The following AUTS2 variants were observed in gnomAD, a reference collection of about 807,000 sequenced individuals.
AUTS2 encodes the protein autism susceptibility gene 2 protein.
Under a neutral mutation model 112.4 loss-of-function variants are expected in AUTS2, and 17 were observed. The ratio of observed to expected loss-of-function variants is 0.15; its 90% CI spans 0.10 to 0.23. AUTS2 has a LOEUF of 0.23. Ranked by LOEUF, AUTS2 falls within the 10% of genes least tolerant of loss-of-function variation. The probability of loss-of-function intolerance (pLI) is 1.00; values close to 1 mark genes in which losing one functional copy is unlikely to be tolerated. For synonymous variants in AUTS2, 751 were observed against 702.7 expected (o/e 1.07, Z -1.09); for missense variants, 1,510 against 1,701.6 (o/e 0.89, Z 1.98).
chr7:70,181,178 C>T (rs1007235012), intron 4 of AUTS2, among the ~76,000 whole-genome samples: 25 of 152,116 alleles, frequency 1.6e-4, no homozygotes, highest in African/African-American at 5.3e-4. Flanking sequence ...AAGCCTATGC[C>T]ACCATTTATT....
At chr7:70,401,513 G>C (rs1342350440) in intron 4 of AUTS2, among the ~76,000 whole-genome samples, 2 of 152,210 alleles carry the variant, frequency 1.3e-5, no homozygotes, top group Non-Finnish European at 2.9e-5. Flanking sequence ...TGAGTTCAGA[G>C]CTGTGGAGCA....
At chr7:69,882,138 G>A (rs1044829502) in intron 1 of AUTS2, among the ~76,000 whole-genome samples, 3 of 103,714 alleles carry the variant, frequency 2.9e-5, no homozygotes, top group South Asian at 3.5e-4. Context: ...CAACAAGAGC[G>A]AAACTCTGTC....
At chr7:69,987,534 C>G (rs1798562823) in intron 2 of AUTS2, among the ~76,000 whole-genome samples, 1 of 152,168 alleles carries the variant, frequency 6.6e-6, no homozygotes, top group Non-Finnish European at 1.5e-5. Flanking sequence ...GTGGTGTCAT[C>G]ATAGCTCACT....
intron 10 of AUTS2, among the ~76,000 whole-genome samples, chr7:70,769,171 C>T (rs778298819): frequency 6.6e-6 from 1 of 152,148 alleles, no homozygotes; most frequent in Non-Finnish European, 1.5e-5. Context: ...TGAAAGACCT[C>T]TTCAAAAAGA....
At chr7:70,763,396 TG>T in intron 7 of AUTS2, 55 bp downstream of exon 7, 1 of 1,343,358 alleles carries the variant, frequency 7.4e-7, no homozygotes, top group Non-Finnish European at 1.0e-6. Context: ...GGGGATCAGG[TG>T]GGTGGGAGTC....
At chr7:70,775,581 CT>C (rs3215360) in intron 13 of AUTS2, among the ~76,000 whole-genome samples, 195 bp downstream of exon 13, 57 of 147,394 alleles carry the variant, frequency 3.9e-4, no homozygotes, top group Non-Finnish European at 3.9e-4. Flanking sequence ...AGGCCATTGG[CT>C]TTTTTTTTTT....
At chr7:70,275,128 C>T (rs1787869167) in intron 4 of AUTS2, among the ~76,000 whole-genome samples, 1 of 152,208 alleles carries the variant, frequency 6.6e-6, no homozygotes, top group Non-Finnish European at 1.5e-5. Flanking sequence ...CACCTCGCTG[C>T]AGCCTCAAAC....
intron 5 of AUTS2, among the ~76,000 whole-genome samples, chr7:70,502,451 A>G (rs1451957618): frequency 6.6e-6 from 1 of 152,228 alleles, no homozygotes; most frequent in Non-Finnish European, 1.5e-5. Flanking sequence ...ATTGAGTGAA[A>G]TAATAGTTGG....
At chr7:70,227,123 AG>A (rs1318437189) in intron 4 of AUTS2, among the ~76,000 whole-genome samples, 2 of 152,158 alleles carry the variant, frequency 1.3e-5, no homozygotes, top group Non-Finnish European at 2.9e-5. Flanking sequence ...GGCTGTCTGA[AG>A]ACCCGGGTAA....
chr7:69,652,094 A>C (rs981208198), intron 1 of AUTS2, among the ~76,000 whole-genome samples: 5 of 152,202 alleles, frequency 3.3e-5, no homozygotes, highest in Admixed American at 3.3e-4. Context: ...AATGGCCTTC[A>C]TAGCGTCCTT....
intron 1 of AUTS2, among the ~76,000 whole-genome samples, chr7:69,736,370 T>G (rs774183678): frequency 3.9e-5 from 6 of 152,188 alleles, no homozygotes; most frequent in Non-Finnish European, 7.3e-5. Context: ...TTGCTTTGAC[T>G]TGGGTATTTC....
intron 4 of AUTS2, among the ~76,000 whole-genome samples, chr7:70,433,498 A>C (rs1401241905): frequency 6.6e-6 from 1 of 152,226 alleles, no homozygotes; most frequent in Non-Finnish European, 1.5e-5. Context: ...TCACACAATC[A>C]GGACAGTATT....
intron 4 of AUTS2, among the ~76,000 whole-genome samples, chr7:70,148,531 C>T (rs1441163365): frequency 6.6e-6 from 1 of 152,052 alleles, no homozygotes; most frequent in Non-Finnish European, 1.5e-5. Context: ...ACTCAGCCCA[C>T]TGGTCTGGTC....
At chr7:69,879,904 A>T (rs1184592367) in intron 1 of AUTS2, among the ~76,000 whole-genome samples, 1 of 152,162 alleles carries the variant, frequency 6.6e-6, no homozygotes, top group East Asian at 1.9e-4. Context: ...GGCTTAGACA[A>T]TTCTACCATG....
intron 5 of AUTS2, among the ~76,000 whole-genome samples, chr7:70,538,720 A>G (rs1386266558): frequency 6.6e-6 from 1 of 152,190 alleles, no homozygotes; most frequent in Admixed American, 6.5e-5. Flanking sequence ...TGTGCTTCTC[A>G]TGTTTAAAGC....
chr7:70,450,027 G>A (rs907318359), intron 5 of AUTS2, among the ~76,000 whole-genome samples: 1 of 152,174 alleles, frequency 6.6e-6, no homozygotes, highest in Non-Finnish European at 1.5e-5. Context: ...TCAACCTGGA[G>A]AATCCAATTT....
intron 5 of AUTS2, among the ~76,000 whole-genome samples, chr7:70,469,457 T>C (rs1431531947): frequency 6.6e-6 from 1 of 152,058 alleles, no homozygotes; most frequent in Non-Finnish European, 1.5e-5. Context: ...GGCTGGAACA[T>C]GTTTGGCATC....
At chr7:70,179,774 G>A (rs886803860) in intron 4 of AUTS2, among the ~76,000 whole-genome samples, 1 of 152,130 alleles carries the variant, frequency 6.6e-6, no homozygotes, top group Non-Finnish European at 1.5e-5. Flanking sequence ...CACCAGGCTT[G>A]GTATAACCTT....
intron 4 of AUTS2, among the ~76,000 whole-genome samples, chr7:70,138,306 C>T (rs1806677499): frequency 6.6e-6 from 1 of 152,214 alleles, no homozygotes; most frequent in Non-Finnish European, 1.5e-5. Flanking sequence ...CCAGTGAGAA[C>T]ATTTCGTGTT....
Sources: allele counts gnomAD v4.1 joint callset (sites outside exome capture counted in the v4.1 genomes callset), GRCh38; gene constraint gnomAD v4.1.1; transcripts MANE v1.5; gene names NCBI Gene and HGNC (gene_info 2026-07-23, HGNC 2026-07-21).